The following KCNH4 variants were observed in gnomAD, a reference collection of about 807,000 sequenced individuals.
The protein encoded by KCNH4 is voltage-gated delayed rectifier potassium channel KCNH4.
Under a neutral mutation model 90.7 loss-of-function variants are expected in KCNH4, and 33 were observed. The ratio of observed to expected loss-of-function variants is 0.36; its 90% CI spans 0.28 to 0.49. The LOEUF is 0.49. KCNH4 is among the 20% of genes least tolerant of loss of function. The pLI is 0.98. For missense variants in KCNH4, 1,044 were observed against 1,387.1 expected (o/e 0.75, Z 3.93); for synonymous variants, 551 against 581.7 (o/e 0.95, Z 0.76).
intron 2 of KCNH4, 96 bp downstream of exon 2, chr17:42,178,697 T>C: frequency 1.6e-6 from 2 of 1,216,636 alleles, no homozygotes; most frequent in East Asian, 2.4e-5. Context: ...CTTTTGGCAG[T>C]GTGGGGACAA....
rs569589540 is a variant in KCNH4, at chr17:42,165,085, G to A, written c.2085+364C>T. ...CGCGCCACTGCACTCCAGCCTGGGC[G>A]ACAGAGTAAGACTTCGTCTCAAAAA... On this transcript the variant is annotated intron_variant, in intron 11 of 16. Coordinates refer to ENST00000264661, the MANE Select transcript of KCNH4 (RefSeq NM_012285.3). 3.3e-5 allele frequency among the ~76,000 whole-genome samples: 5 copies of A among 149,946 alleles called. No homozygotes were observed. The South Asian group carries it at 1.1e-3, about 32-fold the overall frequency.
intron 4 of KCNH4, 116 bp from the exon 5 acceptor site, chr17:42,176,413 G>C (rs2079861905): frequency 2.3e-6 from 2 of 875,828 alleles, no homozygotes; most frequent in Admixed American, 2.1e-5. Flanking sequence ...GGGCACTTTT[G>C]ACCATGAATG....
chr17:42,175,473 G>T, intron 6 of KCNH4, 106 bp downstream of exon 6: 1 of 1,252,880 alleles, frequency 8.0e-7, no homozygotes. Flanking sequence ...ATCTGCAGAT[G>T]GATTGATGGG....
chr17:42,175,829 G>A, intron 5 of KCNH4, 93 bp from the exon 6 acceptor site: 2 of 1,480,424 alleles, frequency 1.4e-6, no homozygotes, highest in Non-Finnish European at 9.4e-7. Flanking sequence ...TGGAGGAGGA[G>A]GCAGGCATGG....
chr17:42,171,323 G>C (rs533940106), intron 7 of KCNH4, among the ~76,000 whole-genome samples: 1 of 152,132 alleles, frequency 6.6e-6, no homozygotes, highest in South Asian at 2.1e-4. Flanking sequence ...GGCTAGGTGT[G>C]GGGTAAAGGA....
chr17:42,165,110 AAAAAAAACAAAACCC>A (rs2079777709), intron 11 of KCNH4, among the ~76,000 whole-genome samples: 2 of 152,062 alleles, frequency 1.3e-5, no homozygotes, highest in East Asian at 3.9e-4. Context: ...CGTCTCAAAA[AAAAAAAACAAAACCC>A]AAAAAAACAA....
At position 42,172,002 on chromosome 17, in the gene KCNH4, G is replaced by A; in HGVS notation, c.988-7C>T. On this transcript the variant is annotated splice_polypyrimidine_tract_variant and splice_region_variant and intron_variant, in intron 6 of 16. Coordinates refer to ENST00000264661, the MANE Select transcript of KCNH4 (RefSeq NM_012285.3). ...GTAGGTGCACCAGCGAGGTCTGCAG[G>A]AAGGTGGCGGGGGAGGCTGTCAGCA... is the stretch of plus-strand genomic sequence containing the variant. The A allele has an allele frequency of 6.3e-7, 1 of 1,579,698 alleles. No homozygotes were observed. The highest frequency in any genetic ancestry group is 8.6e-7 in the Non-Finnish European group (1 of 1,163,736).
chr17:42,165,795 G>T, intron 10 of KCNH4, 102 bp from the exon 11 acceptor site: 2 of 1,411,170 alleles, frequency 1.4e-6, no homozygotes, highest in Non-Finnish European at 9.9e-7. Context: ...GTGTTTGAAG[G>T]ATGGTTGAAG....
At position 42,166,457 on chromosome 17, in the gene KCNH4, C is replaced by T. The variant is rs748677411; in HGVS notation, c.1680G>A (p.Ala560=). 3.7e-6 allele frequency: 6 copies of T among 1,613,998 alleles called. No homozygotes were observed. The highest frequency in any genetic ancestry group is 1.3e-5 in the African/African-American group (1 of 74,908). The part of the protein sequence containing the change: ...EILQLPLFGA[A]SRGCLRALSL... ...ATAGGGCCCGCAGGCAGCCCCTGCT[C>T]GCTGCCCCGAACAACGGCAGCTGCA... The change falls in exon 10 of 17, where the codon GCG becomes GCA. Residue 560 remains alanine, a synonymous_variant. Coordinates refer to ENST00000264661, the MANE Select transcript of KCNH4 (RefSeq NM_012285.3).
intron 4 of KCNH4, 46 bp from the exon 5 acceptor site, chr17:42,176,343 A>T: frequency 1.5e-6 from 2 of 1,360,570 alleles, no homozygotes; most frequent in Non-Finnish European, 2.0e-6. Context: ...GGGAAAGAGG[A>T]GCCAAGATGG....
chr17:42,170,751 C>T (rs1034634731), intron 7 of KCNH4, among the ~76,000 whole-genome samples: 1 of 152,174 alleles, frequency 6.6e-6, no homozygotes, highest in South Asian at 2.1e-4. Context: ...GGGTTCTGGA[C>T]ATGGTGCCTG....
intron 7 of KCNH4, among the ~76,000 whole-genome samples, chr17:42,171,038 C>T (rs2079823603): frequency 6.6e-6 from 1 of 152,014 alleles, no homozygotes; most frequent in Non-Finnish European, 1.5e-5. Context: ...CCAGGGTGTG[C>T]AGTGAGTGTG....
chr17:42,180,627 G>C lies in KCNH4; in HGVS notation c.76+243C>G, dbSNP rs1223072708. The stretch of plus-strand genomic sequence containing the variant: ...ACCCTCCTCCGCTCTGCCGCACAAA[G>C]AGCCTCTTCTGCCTCGAGTCACACC... On this transcript the variant is annotated intron_variant, in intron 1 of 16. Coordinates refer to ENST00000264661, the MANE Select transcript of KCNH4 (RefSeq NM_012285.3). This position sits in a 1 kb window ranked among gnomAD's most constrained non-coding sequence, Gnocchi z 4.7. 6.6e-6 allele frequency among the ~76,000 whole-genome samples: 1 copy of C among 151,942 alleles called. No individual in the cohort carries two copies. Among genetic ancestry groups the C allele is most frequent in the Non-Finnish European group, 1.5e-5 (1 of 67,984 alleles).
chr17:42,166,032 G>A (rs2079784773), intron 10 of KCNH4, among the ~76,000 whole-genome samples: 1 of 152,106 alleles, frequency 6.6e-6, no homozygotes, highest in Admixed American at 6.5e-5. Context: ...GGGTTGGGAA[G>A]TGGAGCAATG....
intron 9 of KCNH4, among the ~76,000 whole-genome samples, chr17:42,167,438 G>T (rs1469347393): frequency 1.3e-5 from 2 of 152,046 alleles, no homozygotes; most frequent in African/African-American, 2.4e-5. Flanking sequence ...AGCTAATTTT[G>T]TATTTTTAGT....
rs765093439 is a variant in KCNH4 at position 42,165,623 on chromosome 17, G to A, written c.1911C>T (p.Asn637=). 13 of 1,614,230 alleles carry A rather than the reference G, an allele frequency of 8.1e-6. No individual in the cohort carries two copies. In the East Asian group the frequency reaches 2.9e-4, roughly 36 times the overall value. The change falls in exon 11 of 17, where the codon AAC becomes AAT. Residue 637 remains asparagine (N), a synonymous_variant. Transcript: ENST00000264661. ...CATCAGCACTGGTCTTTAGCACGAA[G>A]TTTGGGTCTGCTCCCAACCCAGGCT... ...GQEPGLGADP[N]FVLKTSADVK... is the part of the protein sequence containing the mutation.
intron 9 of KCNH4, 47 bp from the exon 10 acceptor site, chr17:42,166,593 A>G (rs778509033): frequency 8.9e-6 from 14 of 1,572,314 alleles, no homozygotes; most frequent in Admixed American, 1.7e-5. Context: ...TGCAGCTACT[A>G]CTTGAGTCTA....
Position 42,178,612 on chromosome 17 carries a change from T to C in KCNH4, c.311-135A>G, listed in dbSNP as rs372599885. 1.3e-4 allele frequency: 161 copies of C among 1,250,642 alleles called. No individual in the cohort carries two copies. The African/African-American group carries it at 2.3e-3, about 18-fold the overall frequency. 77.5% of individuals were successfully genotyped at this position (1,250,642 alleles called of 1,614,324 possible). On this transcript the variant is annotated intron_variant, in intron 2 of 16. Coordinates refer to ENST00000264661, the MANE Select transcript of KCNH4 (RefSeq NM_012285.3). ...ACCAAAAGGAACCTCAGAGATTCTG[T>C]CAGCCGATTCCTTCATCTTTCAAAT...
At chr17:42,175,462 T>C in intron 6 of KCNH4, 117 bp downstream of exon 6, 1 of 1,183,634 alleles carries the variant, frequency 8.4e-7, no homozygotes, top group Non-Finnish European at 1.2e-6. Flanking sequence ...GCCTGATAAA[T>C]ATCTGCAGAT....
Sources: gnomAD v4.1 joint callset for allele counts (sites outside exome capture counted in the v4.1 genomes callset) on GRCh38, gnomAD v4.1.1 for gene constraint, Gnocchi (gnomAD v3.1) non-coding constraint, MANE v1.5 for transcripts, NCBI Gene and HGNC (gene_info 2026-07-23, HGNC 2026-07-21) for gene names.